ADAM12: variants seen among roughly 807,000 people sequenced by gnomAD.
The protein encoded by ADAM12 is disintegrin and metalloproteinase domain-containing protein 12.
A neutral mutation model predicts 106.4 loss-of-function variants in ADAM12; 70 were observed. The ratio of observed to expected loss-of-function variants is 0.66; its 90% CI spans 0.54 to 0.80. The LOEUF (loss-of-function observed/expected upper bound fraction) is 0.80. ADAM12 is among the 30% of genes least tolerant of loss of function. ADAM12 has a pLI of 0.00. For missense variants in ADAM12, 1,010 were observed against 1,171.9 expected (o/e 0.86, Z 2.02); for synonymous variants, 420 against 433.5 (o/e 0.97, Z 0.39).
chr10:126,278,619 GA>G (rs1959394701), intron 3 of ADAM12, among the ~76,000 whole-genome samples: 1 of 152,120 alleles, frequency 6.6e-6, no homozygotes. Flanking sequence ...TCTGTTATTT[GA>G]ACAGTACAGG....
intron 3 of ADAM12, among the ~76,000 whole-genome samples, chr10:126,172,842 G>T (rs1957143662): frequency 6.6e-6 from 1 of 152,166 alleles, no homozygotes; most frequent in African/African-American, 2.4e-5. Flanking sequence ...CAATAGCAAA[G>T]ACTTGGAACC....
At chr10:126,380,109 A>G (rs904202238) in intron 1 of ADAM12, among the ~76,000 whole-genome samples, 1 of 152,234 alleles carries the variant, frequency 6.6e-6, no homozygotes, top group African/African-American at 2.4e-5. Flanking sequence ...TTAAAGGATA[A>G]AAAATATCAA....
At chr10:126,293,154 T>C (rs1423310377) in intron 2 of ADAM12, among the ~76,000 whole-genome samples, 1 of 152,240 alleles carries the variant, frequency 6.6e-6, no homozygotes, top group African/African-American at 2.4e-5. Flanking sequence ...TCCAGTGCTG[T>C]CAATTTGATT....
At chr10:126,256,819 A>G (rs1197748144) in intron 3 of ADAM12, among the ~76,000 whole-genome samples, 1 of 152,202 alleles carries the variant, frequency 6.6e-6, no homozygotes, top group Non-Finnish European at 1.5e-5. Flanking sequence ...TCTCTTTTAT[A>G]TTAACACCAA....
chr10:126,210,719 C>T (rs940117823), intron 3 of ADAM12, among the ~76,000 whole-genome samples: 3 of 152,122 alleles, frequency 2.0e-5, no homozygotes, highest in Non-Finnish European at 4.4e-5. Flanking sequence ...AGGTTCCTTC[C>T]ACCAGTGAAA....
intron 1 of ADAM12, among the ~76,000 whole-genome samples, chr10:126,381,227 A>G (rs1856479451): frequency 6.6e-6 from 1 of 152,222 alleles, no homozygotes; most frequent in African/African-American, 2.4e-5. Context: ...AAGAAAATAC[A>G]TCTATATGTC....
At chr10:126,094,201 TC>T (rs1955515162) in intron 10 of ADAM12, 68 bp from the exon 11 acceptor site, 2 of 1,485,824 alleles carry the variant, frequency 1.3e-6, no homozygotes, top group East Asian at 4.6e-5. Flanking sequence ...CAGGTCTCCC[TC>T]CCCACAGAAA....
At chr10:126,243,489 A>ATGTGTGTGTG (rs57227903) in intron 3 of ADAM12, among the ~76,000 whole-genome samples, 5,191 of 146,886 alleles carry the variant, frequency 0.035, 288 homozygotes, top group African/African-American at 0.11. Context: ...GTGTGAGTGT[A>ATGTGTGTGTG]TGTGTGTGTG....
chr10:126,302,191 G>A (rs1014911743), intron 2 of ADAM12, among the ~76,000 whole-genome samples: 25 of 152,064 alleles, frequency 1.6e-4, no homozygotes, highest in South Asian at 2.1e-4. Flanking sequence ...GGTTTTGTCC[G>A]TCCAAACTGT....
Position 126,012,606 on chromosome 10 carries a change from T to C in ADAM12, c.*4673A>G, listed in dbSNP as rs1222979436. On this transcript the variant is annotated 3_prime_UTR_variant, in exon 23 of 23. Coordinates refer to ENST00000448723, the MANE Select transcript of ADAM12 (RefSeq NM_001288973.2). ...ACTTTGCTGTTTACGTAACTGTATC[T>C]TTAATCTGTACTGTGCTAAACAGCC... 6.6e-6 allele frequency: 1 copy of C among 152,206 alleles called. No individual in the cohort carries two copies. The highest frequency in any genetic ancestry group is 1.5e-5 in the Non-Finnish European group (1 of 68,028). The allele number at this position is 152,206 out of a possible 1,614,324, so 9.4% of individuals were successfully genotyped here. A position where few individuals can be genotyped will look rare whatever the true frequency, so the allele number is the denominator to read the frequency against.
intron 3 of ADAM12, among the ~76,000 whole-genome samples, chr10:126,243,487 GTA>G (rs1195413848): frequency 6.3e-5 from 7 of 110,554 alleles, no homozygotes; most frequent in South Asian, 3.6e-4. Context: ...GTGTGTGAGT[GTA>G]TGTGTGTGTG....
intron 1 of ADAM12, among the ~76,000 whole-genome samples, chr10:126,378,820 T>C (rs1397130586): frequency 6.6e-6 from 1 of 152,246 alleles, no homozygotes; most frequent in Non-Finnish European, 1.5e-5. Context: ...ATTTTAGAAA[T>C]GAATGATGGG....
At chr10:126,195,990 G>A (rs1313303902) in intron 3 of ADAM12, among the ~76,000 whole-genome samples, 1 of 152,132 alleles carries the variant, frequency 6.6e-6, no homozygotes, top group African/African-American at 2.4e-5. Flanking sequence ...TGGCCTCCAG[G>A]GGCCTGTTTC....
intron 21 of ADAM12, among the ~76,000 whole-genome samples, chr10:126,033,977 A>G (rs1471224658): frequency 6.6e-6 from 1 of 152,240 alleles, no homozygotes; most frequent in African/African-American, 2.4e-5. Context: ...TCAGACAGAA[A>G]ATAATAAGCA....
intron 1 of ADAM12, among the ~76,000 whole-genome samples, chr10:126,381,859 C>A (rs1856503842): frequency 6.6e-6 from 1 of 151,632 alleles, no homozygotes; most frequent in South Asian, 2.1e-4. Context: ...CCTGGAGTCC[C>A]AGCTACTAGG....
chr10:126,126,338 C>T (rs573263723), intron 5 of ADAM12, among the ~76,000 whole-genome samples: 3 of 152,244 alleles, frequency 2.0e-5, no homozygotes, highest in African/African-American at 4.8e-5. Context: ...GGCCCTTCTG[C>T]GGAATTCCTC....
At chr10:126,073,563 T>G (rs1335033108) in intron 11 of ADAM12, among the ~76,000 whole-genome samples, 2 of 152,154 alleles carry the variant, frequency 1.3e-5, no homozygotes, top group East Asian at 3.9e-4. Context: ...TGTCTGTTGT[T>G]CCCTTCTTTG....
intron 2 of ADAM12, among the ~76,000 whole-genome samples, chr10:126,310,605 G>C (rs949646753): frequency 6.6e-6 from 1 of 152,174 alleles, no homozygotes; most frequent in Non-Finnish European, 1.5e-5. Context: ...TGGTGGCTGA[G>C]GTAGGGGCAG....
At chr10:126,332,571 G>T (rs550218036) in intron 1 of ADAM12, among the ~76,000 whole-genome samples, 1 of 152,316 alleles carries the variant, frequency 6.6e-6, no homozygotes, top group South Asian at 2.1e-4. Flanking sequence ...AGAATGGCTG[G>T]GGATGGTATT....
Sources: allele counts gnomAD v4.1 joint callset (sites outside exome capture counted in the v4.1 genomes callset), GRCh38; gene constraint gnomAD v4.1.1; transcripts MANE v1.5; gene names NCBI Gene and HGNC (gene_info 2026-07-23, HGNC 2026-07-21).